PLEKHH3: variants seen among roughly 807,000 people sequenced by gnomAD.
PLEKHH3 encodes the protein pleckstrin homology, MyTH4 and FERM domain containing H3.
PLEKHH3 carries 57 observed loss-of-function variants against 77.8 expected under a neutral mutation model. The ratio of observed to expected loss-of-function variants is 0.73; its 90% CI spans 0.59 to 0.91. The LOEUF (loss-of-function observed/expected upper bound fraction) is 0.91, where lower values mean the gene tolerates loss of function less well. Ranked by LOEUF, PLEKHH3 falls within the 40% of genes least tolerant of loss-of-function variation. The pLI, the probability that PLEKHH3 is intolerant of heterozygous loss-of-function variation, is 0.00. For missense variants in PLEKHH3, 1,082 were observed against 1,091.2 expected (o/e 0.99, Z 0.12); for synonymous variants, 467 against 504.8 (o/e 0.93, Z 1.00).
At chr17:42,673,137 C>G in intron 6 of PLEKHH3, 39 bp downstream of exon 6, 1 of 1,492,034 alleles carries the variant, frequency 6.7e-7, no homozygotes, top group African/African-American at 1.4e-5. Context: ...CTGAACCACC[C>G]CATCCCATCC....
At position 42,668,180 on chromosome 17, in the gene PLEKHH3, C is replaced by T. The variant is rs200610757; in HGVS notation, c.2329G>A (p.Gly777Ser). 165 of 1,544,424 alleles carry T rather than the reference C, an allele frequency of 1.1e-4. 1 individual carries two copies. The highest frequency in any genetic ancestry group is 5.5e-4 in the East Asian group (22 of 39,702). Residue 777 changes from glycine (G) to serine (S), a missense_variant, in exon 13 of 13, where the codon GGC becomes AGC. Transcript: ENST00000591022. ...GACTGTCCCTGGGGCTCGTCCAGGC[C>T]CGGGCGCTGGCTGGGAGGGGAGGTG... Reference protein sequence around the residue: ...PDTSPPSQRPGLDEPQGQSGC... With the variant: ...PDTSPPSQRPSLDEPQGQSGC...
At chr17:42,670,892 C>A in intron 9 of PLEKHH3, 102 bp downstream of exon 9, 1 of 1,549,808 alleles carries the variant, frequency 6.5e-7, no homozygotes. Context: ...AACACCACAG[C>A]GCAGGGCCAG....
rs1449726247 is a variant in PLEKHH3, at chr17:42,676,275, C to CA, written c.162+126dup. The CA allele has an allele frequency of 1.6e-5, 24 of 1,481,284 alleles. No individual in the cohort carries two copies. Among genetic ancestry groups the CA allele is most frequent in the Non-Finnish European group, 2.1e-5 (24 of 1,116,810 alleles). The allele number at this position is 1,481,284 out of a possible 1,614,324, so 91.8% of individuals were successfully genotyped here. ...GCTCCCGGGGGCTTTGGCCCCCAGG[C>CA]AAAAAACTCTCCCTCATCCCTAGTT... On this transcript the variant is annotated intron_variant, in intron 1 of 12. Coordinates refer to ENST00000591022, the MANE Select transcript of PLEKHH3 (RefSeq NM_024927.5). This position sits in a 1 kb window ranked among gnomAD's most constrained non-coding sequence, Gnocchi z 6.6.
At position 42,672,281 on chromosome 17, in the gene PLEKHH3, CAGGTTTGGAGCACACCCTGCATCA is replaced by C. The variant is rs2052719829; in HGVS notation, c.857_880del (p.Leu286_Thr293del). On this transcript the variant is annotated inframe_deletion, in exon 7 of 13. Transcript: ENST00000591022. Reference sequence around the variant, plus strand: ...ATCCCGGAGCGCGGGCAAGTCCCGGCAGGTTTGGAGCACACCCTGCATCAAGGGCCCGGGGCGCCGCGCCCCCTC... The same window carrying C: ...ATCCCGGAGCGCGGGCAAGTCCCGGCAGGGCCCGGGGCGCCGCGCCCCCTC... 1 of 1,550,448 alleles carries C rather than the reference CAGGTTTGGAGCACACCCTGCATCA, an allele frequency of 6.4e-7. No individual in the cohort carries two copies. The highest frequency in any genetic ancestry group is 2.4e-5 in the East Asian group (1 of 40,970).
At chr17:42,674,660 AG>A in intron 1 of PLEKHH3, 1 of 394,336 alleles carries the variant, frequency 2.5e-6, no homozygotes, top group Middle Eastern at 6.4e-4. Context: ...AAATACAATC[AG>A]GGGTAGGGTA....
At chr17:42,675,331 T>C (rs1488775766) in intron 1 of PLEKHH3, among the ~76,000 whole-genome samples, 2 of 151,986 alleles carry the variant, frequency 1.3e-5, no homozygotes, top group Non-Finnish European at 2.9e-5. Flanking sequence ...GGCAATGGCC[T>C]GGTAAAGCCG....
Position 42,668,179 on chromosome 17 carries a change from C to G in PLEKHH3, c.2330G>C (p.Gly777Ala). The G allele has an allele frequency of 1.3e-6, 2 of 1,541,192 alleles. No homozygotes were observed. The highest frequency in any genetic ancestry group is 1.7e-6 in the Non-Finnish European group (2 of 1,151,150). Residue 777 changes from glycine (G) to alanine (A), a missense_variant, in exon 13 of 13, where the codon GGC becomes GCC. Around this residue, in one of 3 missense-constraint regions of PLEKHH3, gnomAD observed 733 missense variants for 750.0 expected, o/e 0.98. Transcript: ENST00000591022. ...AGACTGTCCCTGGGGCTCGTCCAGG[C>G]CCGGGCGCTGGCTGGGAGGGGAGGT... ...PDTSPPSQRP[G>A]LDEPQGQSGC...
intron 10 of PLEKHH3, 51 bp downstream of exon 10, chr17:42,670,522 G>A (rs779707033): frequency 1.3e-6 from 2 of 1,564,674 alleles, no homozygotes; most frequent in East Asian, 2.3e-5. Flanking sequence ...AGAAAACCAG[G>A]GGTTCAGGCT....
chr17:42,674,281 G>A, intron 2 of PLEKHH3, 73 bp downstream of exon 2: 2 of 1,475,700 alleles, frequency 1.4e-6, no homozygotes, highest in Non-Finnish European at 1.8e-6. Flanking sequence ...AACCGCTAGG[G>A]GAGACAGAGA....
chr17:42,670,227 CG>C lies in PLEKHH3; in HGVS notation c.1703del (p.Pro568ArgfsTer102). ...TCGGGCGGGGCGGGTCTTCGCGCGG[CG>C]GGGCCGGGGGCGGGAGCAGGCGGTC... ...RLDRLLPPPA[P>X]PREDPPRPTP... On this transcript the variant is annotated frameshift_variant, in exon 11 of 13. Coordinates refer to ENST00000591022, the MANE Select transcript of PLEKHH3 (RefSeq NM_024927.5). LOFTEE classifies it high-confidence loss of function. 8.2e-7 allele frequency: 1 copy of C among 1,214,894 alleles called. No homozygotes were observed. The highest frequency in any genetic ancestry group is 1.0e-6 in the Non-Finnish European group (1 of 977,996). 75.3% of individuals were successfully genotyped at this position (1,214,894 alleles called of 1,614,324 possible). A position where few individuals can be genotyped will look rare whatever the true frequency, so the allele number is the denominator to read the frequency against.
Position 42,671,165 on chromosome 17 carries a change from G to T in PLEKHH3, c.1285-35C>A, listed in dbSNP as rs757493150. Reference sequence around the variant, plus strand: ...GAGGGTGAGGGGAGACCACTCAGAGGTCTTGCCAGGATTCTGGGAGGGGTT... The same window carrying T: ...GAGGGTGAGGGGAGACCACTCAGAGTTCTTGCCAGGATTCTGGGAGGGGTT... On this transcript the variant is annotated intron_variant, in intron 8 of 12. Transcript: ENST00000591022. The surrounding 1 kb of genome is among the most constrained non-coding windows in gnomAD (Gnocchi z 4.7). 1.3e-6 allele frequency: 2 copies of T among 1,542,630 alleles called. No individual in the cohort carries two copies.
At position 42,669,396 on chromosome 17, in the gene PLEKHH3, C is replaced by G. The variant is rs1179775891; in HGVS notation, c.2205+34G>C. On this transcript the variant is annotated intron_variant, in intron 12 of 12. Coordinates refer to ENST00000591022, the MANE Select transcript of PLEKHH3 (RefSeq NM_024927.5). ...AATGCTTCCTGACATCGCTTCCCTT[C>G]TCTCCTCCTCCCACAACTCCTCTTC... 3.3e-6 allele frequency: 5 copies of G among 1,494,236 alleles called. No homozygotes were observed. The South Asian group carries it at 5.6e-5, about 17-fold the overall frequency. The allele number at this position is 1,494,236 out of a possible 1,614,324, so 92.6% of individuals were successfully genotyped here.
intron 12 of PLEKHH3, 39 bp downstream of exon 12, chr17:42,669,391 C>T: frequency 4.7e-6 from 7 of 1,488,792 alleles, no homozygotes; most frequent in Non-Finnish European, 5.4e-6. Flanking sequence ...GACATCGCTT[C>T]CCTTCTCTCC....
At position 42,671,241 on chromosome 17, in the gene PLEKHH3, A is replaced by G. The variant is rs565091316; in HGVS notation, c.1284+110T>C. 44 of 1,525,948 alleles carry G rather than the reference A, an allele frequency of 2.9e-5. 1 individual carries two copies. The East Asian group carries it at 9.8e-4, about 34-fold the overall frequency. 94.5% of individuals were successfully genotyped at this position (1,525,948 alleles called of 1,614,324 possible). A position where few individuals can be genotyped will look rare whatever the true frequency, so the allele number is the denominator to read the frequency against. On this transcript the variant is annotated intron_variant, in intron 8 of 12. Coordinates refer to ENST00000591022, the MANE Select transcript of PLEKHH3 (RefSeq NM_024927.5). The surrounding 1 kb of genome is among the most constrained non-coding windows in gnomAD (Gnocchi z 4.7). ...TCCTGTCACCACCACTCCCTCCCTT[A>G]CCAAAATAATCTAGACTCGGGGCAA...
In PLEKHH3 at chr17:42,670,078, C is replaced by T. The variant is rs1208204869; in HGVS notation, c.1853G>A (p.Arg618His). 2.1e-6 allele frequency: 3 copies of T among 1,445,434 alleles called. No homozygotes were observed. Among genetic ancestry groups the T allele is most frequent in the African/African-American group, 3.0e-5 (2 of 66,826 alleles). The allele number at this position is 1,445,434 out of a possible 1,614,324, so 89.5% of individuals were successfully genotyped here. ...CGTGCCGGCGCCGCCTCCTCCCTCG[C>T]GGGCAATGCTTCCCGCAGTGCGGCC... ...GAGRTAGSIA[R>H]EGGGGAGTAA... Residue 618 changes from arginine (R) to histidine (H), a missense_variant, in exon 11 of 13, where the codon CGC (arginine) becomes CAC (histidine). Arg to His is a conservative substitution (Grantham distance 29). Around this residue, in one of 3 missense-constraint regions of PLEKHH3, gnomAD observed 733 missense variants for 750.0 expected, o/e 0.98. Coordinates refer to ENST00000591022, the MANE Select transcript of PLEKHH3 (RefSeq NM_024927.5).
Position 42,670,658 on chromosome 17 carries a change from C to CA in PLEKHH3, c.1468dup (p.Trp490LeufsTer14). On this transcript the variant is annotated frameshift_variant, in exon 10 of 13. Transcript: ENST00000591022. LOFTEE classifies it high-confidence loss of function. ...TCCGTGAAGACGCAGACATAGTCTC[C>CA]ACCCGGAGTCGGGCGAGTCCTCCAA... 1 of 1,613,200 alleles carries CA rather than the reference C, an allele frequency of 6.2e-7. No homozygotes were observed. Among genetic ancestry groups the CA allele is most frequent in the Non-Finnish European group, 8.5e-7 (1 of 1,179,880 alleles).
chr17:42,674,464 C>G, intron 1 of PLEKHH3, 55 bp from the exon 2 acceptor site: 4 of 1,498,490 alleles, frequency 2.7e-6, no homozygotes, highest in South Asian at 1.3e-5. Context: ...GCGCAAGGTT[C>G]GTGCCTTCTG....
Position 42,670,660 on chromosome 17 carries a change from C to A in PLEKHH3, c.1467G>T (p.Gly489=). 1.2e-6 allele frequency: 2 copies of A among 1,613,010 alleles called. No homozygotes were observed. The highest frequency in any genetic ancestry group is 1.7e-6 in the Non-Finnish European group (2 of 1,179,782). Reference sequence around the variant, plus strand: ...CGTGAAGACGCAGACATAGTCTCCACCCGGAGTCGGGCGAGTCCTCCAACC... The same window carrying A: ...CGTGAAGACGCAGACATAGTCTCCAACCGGAGTCGGGCGAGTCCTCCAACC... The part of the protein sequence containing the change: ...EAGLEDSPDS[G]WRLCLRLHGP... The change falls in exon 10 of 13, where the codon GGG becomes GGT. Residue 489 remains glycine, a synonymous_variant. Coordinates refer to ENST00000591022, the MANE Select transcript of PLEKHH3 (RefSeq NM_024927.5).
intron 1 of PLEKHH3, 37 bp from the exon 2 acceptor site, chr17:42,674,446 C>A: frequency 1.3e-6 from 2 of 1,539,524 alleles, no homozygotes; most frequent in Non-Finnish European, 1.7e-6. Flanking sequence ...AGGGTCAGAG[C>A]CCTTCCTGCG....
Sources: gnomAD v4.1 joint callset for allele counts (sites outside exome capture counted in the v4.1 genomes callset) on GRCh38, gnomAD v4.1.1 for gene constraint, gnomAD v4.1.1 regional missense constraint, Gnocchi (gnomAD v3.1) non-coding constraint, MANE v1.5 for transcripts, NCBI Gene and HGNC (gene_info 2026-07-23, HGNC 2026-07-21) for gene names.